Variants in PCID2 observed in about 807,000 individuals in gnomAD.
PCID2 encodes PCI domain containing 2.
In PCID2, 41 loss-of-function variants were observed where a neutral mutation model predicts 61.3. That is an observed-to-expected ratio of 0.67 (90% CI 0.52 to 0.87). The LOEUF is 0.87. Among genes scored for constraint, PCID2 ranks in the 40% least tolerant of loss-of-function variants. The pLI, the probability that PCID2 is intolerant of heterozygous loss-of-function variation, is 0.00. For synonymous variants in PCID2, 187 were observed against 177.8 expected (o/e 1.05, Z -0.41); for missense variants, 392 against 493.4 (o/e 0.79, Z 1.95).
chr13:113,171,913 C>T, the PCID2 span: 31 of 1,613,778 alleles, frequency 1.9e-5, no homozygotes, highest in Non-Finnish European at 2.5e-5. This position sits in a 1 kb window ranked among gnomAD's most constrained non-coding sequence, Gnocchi z 5.1. Flanking sequence ...CTGTCACCAC[C>T]AGGACCTACT....
At chr13:113,187,475 T>G (rs1005753765) in intron 7 of PCID2, 2 of 152,214 alleles carry the variant, frequency 1.3e-5, no homozygotes, top group Non-Finnish European at 2.9e-5. Flanking sequence ...GCATCCTCAC[T>G]GGCGCCGCCC....
At chr13:113,166,222 T>C in the PCID2 span, 1 of 152,242 alleles carries the variant, frequency 6.6e-6, no homozygotes, top group African/African-American at 2.4e-5. Context: ...TAAAAGCATG[T>C]GAAATTTGGA....
chr13:113,165,070 G>T, the PCID2 span: 4 of 1,613,358 alleles, frequency 2.5e-6, no homozygotes, highest in Non-Finnish European at 3.4e-6. Context: ...TGCCTGCGGG[G>T]TGCTGACCTC....
chr13:113,191,875 C>T (rs961241979), intron 6 of PCID2, among the ~76,000 whole-genome samples: 8 of 152,276 alleles, frequency 5.3e-5, no homozygotes, highest in South Asian at 2.1e-4. Flanking sequence ...CACCAAACTA[C>T]GCAAGTAATC....
At chr13:113,205,569 C>G (rs4548760) in intron 1 of PCID2, among the ~76,000 whole-genome samples, 1 of 152,236 alleles carries the variant, frequency 6.6e-6, no homozygotes, top group African/African-American at 2.4e-5. Context: ...AGCAGCACAA[C>G]AGCCAAAAAG....
At chr13:113,172,368 A>C in the PCID2 span, 11 of 481,196 alleles carry the variant, frequency 2.3e-5, no homozygotes, top group East Asian at 8.2e-5. Flanking sequence ...AAATAAGATA[A>C]TCTGTCAGTC....
At chr13:113,184,520 A>T in intron 8 of PCID2, 33 bp from the exon 9 acceptor site, 1 of 1,297,924 alleles carries the variant, frequency 7.7e-7, no homozygotes, top group Non-Finnish European at 1.1e-6. Flanking sequence ...TAAAATATTT[A>T]AAAACAACAA....
the PCID2 span, among the ~76,000 whole-genome samples, chr13:113,170,949 G>A: frequency 1.3e-5 from 2 of 151,034 alleles, no homozygotes; most frequent in Non-Finnish European, 2.9e-5. Context: ...TTGAGACAGA[G>A]TCTCACTCAA....
intron 5 of PCID2, among the ~76,000 whole-genome samples, chr13:113,195,804 CCATT>C (rs1270761101): frequency 3.9e-5 from 6 of 152,210 alleles, no homozygotes; most frequent in South Asian, 2.1e-4. Context: ...AAAAATACCA[CCATT>C]ATTATGTATT....
chr13:113,168,575 T>C, the PCID2 span, among the ~76,000 whole-genome samples: 1 of 152,260 alleles, frequency 6.6e-6, no homozygotes, highest in Non-Finnish European at 1.5e-5. Context: ...AGATTTTAAA[T>C]GCTTTTTAAT....
Position 113,179,858 on chromosome 13 carries a change from T to A in PCID2, c.986+59A>T. 6.4e-7 allele frequency: 1 copy of A among 1,555,538 alleles called. No homozygotes were observed. On this transcript the variant is annotated intron_variant, in intron 12 of 13. Coordinates refer to ENST00000337344, the MANE Select transcript of PCID2 (RefSeq NM_001127202.4). This position sits in a 1 kb window ranked among gnomAD's most constrained non-coding sequence, Gnocchi z 4.3. ...TCTCTTAGACTGCAACAGCCCTGGATGTCTGACTGCTCTGCCGAGAGCCAC... is the reference window on the plus strand; with the variant it reads ...TCTCTTAGACTGCAACAGCCCTGGAAGTCTGACTGCTCTGCCGAGAGCCAC...
At chr13:113,184,185 ATTTCCC>A (rs749826191) in intron 9 of PCID2, among the ~76,000 whole-genome samples, 155 bp downstream of exon 9, 13 of 152,226 alleles carry the variant, frequency 8.5e-5, no homozygotes, top group African/African-American at 1.2e-4. Context: ...CTTCAATATA[ATTTCCC>A]TTTAATCAGC....
At chr13:113,184,064 T>C (rs2037881518) in intron 9 of PCID2, 2 of 945,190 alleles carry the variant, frequency 2.1e-6, no homozygotes, top group Non-Finnish European at 1.3e-6. Context: ...AAGAAAACAA[T>C]GATTTACATT....
intron 9 of PCID2, among the ~76,000 whole-genome samples, chr13:113,183,006 A>T (rs1374248125): frequency 6.6e-6 from 1 of 152,262 alleles, no homozygotes; most frequent in Non-Finnish European, 1.5e-5. Flanking sequence ...ATCACAGGAA[A>T]GAAAATCACC....
chr13:113,194,988 C>T lies in PCID2; in HGVS notation c.363+83G>A, dbSNP rs988279513. 5.9e-6 allele frequency: 6 copies of T among 1,008,624 alleles called. No individual in the cohort carries two copies. In the South Asian group the frequency reaches 7.7e-5, roughly 13 times the overall value. The allele number at this position is 1,008,624 out of a possible 1,614,324, so 62.5% of individuals were successfully genotyped here. On this transcript the variant is annotated intron_variant, in intron 6 of 13. Coordinates refer to ENST00000337344, the MANE Select transcript of PCID2 (RefSeq NM_001127202.4). ...AACTCCAATTTGCTCCTCAAAACTT[C>T]TGGGAAGAATGACATGAAATTAAAC...
Position 113,189,231 on chromosome 13 carries a change from C to T in PCID2, c.467+1641G>A, listed in dbSNP as rs561834693. ...AGCATGAGTGGAAGCAGCCTGAGGC[C>T]TCACCAGAAGCAGATACGAGCACCA... On this transcript the variant is annotated intron_variant, in intron 7 of 13. Transcript: ENST00000337344. Among the ~76,000 whole-genome samples the T allele has an allele frequency of 7.9e-5, 12 of 152,270 alleles. No homozygotes were observed. In the South Asian group the frequency reaches 2.5e-3, roughly 32 times the overall value.
intron 1 of PCID2, among the ~76,000 whole-genome samples, chr13:113,203,586 A>G (rs112004390): frequency 0.018 from 2,746 of 152,300 alleles, 76 homozygotes; most frequent in African/African-American, 0.062. Flanking sequence ...GAAGCTGAAG[A>G]TGGCCCCAAG....
downstream of PCID2, among the ~76,000 whole-genome samples, chr13:113,176,487 TGTG>T: frequency 6.6e-6 from 1 of 152,412 alleles, no homozygotes; most frequent in East Asian, 1.9e-4. Context: ...GAGAGCCGGG[TGTG>T]GTGGCACATG....
chr13:113,204,304 CTA>C (rs1431901108), intron 1 of PCID2, among the ~76,000 whole-genome samples: 1 of 152,234 alleles, frequency 6.6e-6, no homozygotes, highest in Non-Finnish European at 1.5e-5. Context: ...CAGAAGGAAC[CTA>C]TGAGTGACTG....
Sources: gnomAD v4.1 joint callset for allele counts (sites outside exome capture counted in the v4.1 genomes callset) on GRCh38, gnomAD v4.1.1 for gene constraint, Gnocchi (gnomAD v3.1) non-coding constraint, MANE v1.5 for transcripts, NCBI Gene and HGNC (gene_info 2026-07-23, HGNC 2026-07-21) for gene names.